C3: variants seen among roughly 807,000 people sequenced by gnomAD.
The protein encoded by C3 is complement C3.
Under a neutral mutation model 207.9 loss-of-function variants are expected in C3, and 97 were observed. The ratio of observed to expected loss-of-function variants is 0.47; its 90% CI spans 0.40 to 0.55. The LOEUF (loss-of-function observed/expected upper bound fraction) is 0.55, where lower values mean the gene tolerates loss of function less well. Among genes scored for constraint, C3 ranks in the 20% least tolerant of loss-of-function variants. The probability of loss-of-function intolerance (pLI) is 0.00; values close to 1 mark genes in which losing one functional copy is unlikely to be tolerated. For synonymous variants in C3, 848 were observed against 857.6 expected (o/e 0.99, Z 0.20); for missense variants, 1,684 against 2,171.7 (o/e 0.78, Z 4.46).
At position 6,700,570 on chromosome 19, in the gene C3, ATATAT is replaced by A. The variant is rs1425514464; in HGVS notation, c.2440+1552_2440+1556del. On this transcript the variant is annotated intron_variant, in intron 19 of 40. Transcript: ENST00000245907. Reference sequence around the variant, plus strand: ...TAATATATAATATATGTAATATATGATATATTATATATGTAATATATAATATATGA... The same window carrying A: ...TAATATATAATATATGTAATATATGATATATATGTAATATATAATATATGA... Among the ~76,000 whole-genome samples the A allele has an allele frequency of 4.0e-5, 2 of 49,784 alleles. 1 individual carries two copies. Among genetic ancestry groups the A allele is most frequent in the Non-Finnish European group, 6.2e-5 (2 of 32,514 alleles). The allele number at this position is 49,784 out of a possible 152,430, so 32.7% of individuals were successfully genotyped here. A position where few individuals can be genotyped will look rare whatever the true frequency, so the allele number is the denominator to read the frequency against.
chr19:6,713,883 C>G, intron 7 of C3, 109 bp downstream of exon 7: 1 of 412,618 alleles, frequency 2.4e-6, no homozygotes, highest in Non-Finnish European at 4.5e-6. Flanking sequence ...CCCAGCCCCC[C>G]ACCTGGTCCC....
chr19:6,678,530 C>A (rs1917780732), intron 38 of C3, 75 bp from the exon 39 acceptor site: 2 of 1,213,680 alleles, frequency 1.6e-6, no homozygotes, highest in East Asian at 4.7e-5. Flanking sequence ...GCAAGTGCAC[C>A]CGGGCATGTG....
Position 6,692,949 on chromosome 19 carries a change from G to A in C3, c.3365C>T (p.Ala1122Val). Residue 1122 changes from alanine to valine, a missense_variant, in exon 26 of 41, where the codon GCG becomes GTG. Transcript: ENST00000245907. Reference protein sequence around the residue: ...QKPDGVFQEDAPVIHQEMIGG... With the variant: ...QKPDGVFQEDVPVIHQEMIGG... Reference sequence around the variant, plus strand: ...AATCATTTCTTGGTGTATCACGGGCGCATCCTCCTGGAAGACCCCGTCGGG... The same window carrying A: ...AATCATTTCTTGGTGTATCACGGGCACATCCTCCTGGAAGACCCCGTCGGG... 1.2e-6 allele frequency: 2 copies of A among 1,614,026 alleles called. No individual in the cohort carries two copies. The highest frequency in any genetic ancestry group is 1.7e-6 in the Non-Finnish European group (2 of 1,180,024).
At chr19:6,698,359 T>C (rs894351510) in intron 19 of C3, among the ~76,000 whole-genome samples, 1 of 152,088 alleles carries the variant, frequency 6.6e-6, no homozygotes, top group African/African-American at 2.4e-5. Context: ...GTAGTTTGAC[T>C]CAGAGATCTA....
At chr19:6,711,727 C>T (rs1967927104) in intron 11 of C3, among the ~76,000 whole-genome samples, 1 of 152,158 alleles carries the variant, frequency 6.6e-6, no homozygotes, top group South Asian at 2.1e-4. Flanking sequence ...CCATCTGCAA[C>T]CTCCGCAGCT....
rs757350547 is a variant in C3, at chr19:6,718,287, G to A, written c.393C>T (p.Phe131=). Residue 131 remains phenylalanine, a synonymous_variant, in exon 3 of 41, where the codon TTC becomes TTT. Transcript: ENST00000245907. ...TGTAGATGGTCTTGTCTGTCTGGAT[G>A]AAGAGGTACCCGCTCTGCAGGCTGA... ...VLVSLQSGYL[F]IQTDKTIYTP... 5.6e-6 allele frequency: 9 copies of A among 1,613,790 alleles called. No homozygotes were observed. The African/African-American group carries it at 1.2e-4, about 22-fold the overall frequency.
intron 29 of C3, among the ~76,000 whole-genome samples, chr19:6,685,551 A>G (rs1917983080): frequency 6.6e-6 from 1 of 152,188 alleles, no homozygotes; most frequent in Non-Finnish European, 1.5e-5. Flanking sequence ...TGAGCATATA[A>G]TCTACAACCC....
Position 6,708,977 on chromosome 19 carries a change from G to A in C3, c.1845+707C>T, listed in dbSNP as rs561381175. 5.9e-5 allele frequency among the ~76,000 whole-genome samples: 9 copies of A among 151,268 alleles called. No homozygotes were observed. In the East Asian group the frequency reaches 1.4e-3, roughly 24 times the overall value. On this transcript the variant is annotated intron_variant, in intron 14 of 40. Coordinates refer to ENST00000245907, the MANE Select transcript of C3 (RefSeq NM_000064.4). ...GCTGGGATTCCAGACGTGAGCCACC[G>A]CACCTGGCCTCCATTCCAAATCTTA...
At chr19:6,713,096 C>T in intron 9 of C3, 93 bp downstream of exon 9, 1 of 1,489,752 alleles carries the variant, frequency 6.7e-7, no homozygotes, top group Non-Finnish European at 9.4e-7. Flanking sequence ...CTGAGCCTCC[C>T]TCCTTAGACT....
intron 27 of C3, among the ~76,000 whole-genome samples, chr19:6,688,022 A>G (rs992825886): frequency 6.7e-6 from 1 of 149,062 alleles, no homozygotes; most frequent in African/African-American, 2.5e-5. Context: ...GCGCCCGGCT[A>G]ATTTTTTGTA....
At chr19:6,679,648 C>G (rs1917810530) in intron 36 of C3, 152 bp from the exon 37 acceptor site, 1 of 697,738 alleles carries the variant, frequency 1.4e-6, no homozygotes, top group East Asian at 2.7e-5. Flanking sequence ...ACCCCCTCTA[C>G]TTTCTGATCT....
rs1918007805 is a variant in C3 at position 6,686,297 on chromosome 19, A to C, written c.3647-10T>G. 6.2e-7 allele frequency: 1 copy of C among 1,613,634 alleles called. No homozygotes were observed. The highest frequency in any genetic ancestry group is 1.7e-5 in the Admixed American group (1 of 60,008). Reference sequence around the variant, plus strand: ...TCCCAGCGGTTCTTATCTGCAAAGAAGATACCCCATCCCCAGTGCTCACTG... The same window carrying C: ...TCCCAGCGGTTCTTATCTGCAAAGACGATACCCCATCCCCAGTGCTCACTG... On this transcript the variant is annotated splice_polypyrimidine_tract_variant and intron_variant, in intron 28 of 40. Transcript: ENST00000245907.
chr19:6,714,419 C>T lies in C3; in HGVS notation c.532G>A (p.Asp178Asn). ...AGCTGGTTCTGAGAAGACAAGGAGTCCTGCTTGACCGGGATGCCTTCCGGG... is the reference window on the plus strand; with the variant it reads ...AGCTGGTTCTGAGAAGACAAGGAGTTCTGCTTGACCGGGATGCCTTCCGGG... ...ENPEGIPVKQ[D>N]SLSSQNQLGV... Residue 178 changes from aspartate to asparagine, a missense_variant, in exon 5 of 41, where the codon GAC (aspartate) becomes AAC (asparagine). This residue lies in a region of C3 where 1,280 missense variants were observed against 1,739.1 expected (regional missense o/e 0.74). Coordinates refer to ENST00000245907, the MANE Select transcript of C3 (RefSeq NM_000064.4). 1 of 1,613,794 alleles carries T rather than the reference C, an allele frequency of 6.2e-7. No individual in the cohort carries two copies. The highest frequency in any genetic ancestry group is 8.5e-7 in the Non-Finnish European group (1 of 1,179,998).
At chr19:6,690,534 C>T in intron 27 of C3, 95 bp downstream of exon 27, 1 of 919,854 alleles carries the variant, frequency 1.1e-6, no homozygotes, top group Non-Finnish European at 1.8e-6. Context: ...ACTGGGAGAG[C>T]TGCAAATTCC....
intron 27 of C3, among the ~76,000 whole-genome samples, chr19:6,688,849 C>A (rs8108377): frequency 0.42 from 64,424 of 152,026 alleles, 14,508 homozygotes; most frequent in Middle Eastern, 0.52. Context: ...ATGTCTGCCC[C>A]CTGAGACCTA....
At chr19:6,679,813 C>T (rs1271266380) in intron 36 of C3, among the ~76,000 whole-genome samples, 1 of 152,028 alleles carries the variant, frequency 6.6e-6, no homozygotes, top group Non-Finnish European at 1.5e-5. Context: ...CCCTGCAACT[C>T]ACATATTCCT....
In C3 at chr19:6,686,164, T is replaced by C. The variant is rs1339935717; in HGVS notation, c.3770A>G (p.Asn1257Ser). 1 of 1,614,196 alleles carries C rather than the reference T, an allele frequency of 6.2e-7. No homozygotes were observed. The highest frequency in any genetic ancestry group is 1.1e-5 in the South Asian group (1 of 91,082). ...GCCACCACCGTAGTATCTCTGTTCA[T>C]TGAGCCAACGCACGACGGGAGGCAC... ...DFVPPVVRWLNEQRYYGGGYG... is the reference protein window; with the variant it reads ...DFVPPVVRWLSEQRYYGGGYG... The change falls in exon 29 of 41, where the codon AAT becomes AGT. Residue 1257 changes from asparagine (N) to serine (S), a missense_variant. Asn to Ser is a conservative substitution (Grantham distance 46, BLOSUM62 1). Coordinates refer to ENST00000245907, the MANE Select transcript of C3 (RefSeq NM_000064.4).
intron 35 of C3, among the ~76,000 whole-genome samples, chr19:6,680,926 T>C (rs344552): frequency 0.52 from 78,217 of 151,448 alleles, 20,313 homozygotes; most frequent in South Asian, 0.6. Flanking sequence ...GTGGCAGGTG[T>C]GGTGGCTCAT....
chr19:6,693,597 A>T, intron 24 of C3, 110 bp from the exon 25 acceptor site: 35 of 901,048 alleles, frequency 3.9e-5, no homozygotes, highest in East Asian at 5.6e-5. Flanking sequence ...AGGGTGGCGG[A>T]GGGGTTCTGG....
Sources: allele counts gnomAD v4.1 joint callset (sites outside exome capture counted in the v4.1 genomes callset), GRCh38; gene constraint gnomAD v4.1.1; regional missense constraint gnomAD v4.1.1; transcripts MANE v1.5; gene names NCBI Gene and HGNC (gene_info 2026-07-23, HGNC 2026-07-21).